TRAPPC9: variants seen among roughly 807,000 people sequenced by gnomAD.
TRAPPC9 encodes trafficking protein particle complex subunit 9.
Under a neutral mutation model 124.0 loss-of-function variants are expected in TRAPPC9, and 83 were observed. The ratio of observed to expected loss-of-function variants is 0.67; its 90% CI spans 0.56 to 0.80. The LOEUF is 0.80. Among genes scored for constraint, TRAPPC9 ranks in the 30% least tolerant of loss-of-function variants. The pLI is 0.00. For missense variants in TRAPPC9, 1,302 were observed against 1,508.3 expected, an observed-to-expected ratio of 0.86 and a Z score of 2.27; for synonymous variants, 638 against 617.5, an observed-to-expected ratio of 1.03 and a Z score of -0.49.
chr8:139,977,617 CA>C (rs368480588), intron 19 of TRAPPC9, among the ~76,000 whole-genome samples: 15,773 of 111,786 alleles, frequency 0.14, 1,416 homozygotes, highest in East Asian at 0.41. Flanking sequence ...GACTCTGTCT[CA>C]AAAAAAAAAA....
intron 21 of TRAPPC9, among the ~76,000 whole-genome samples, chr8:139,875,999 T>C (rs1233581435): frequency 6.6e-6 from 1 of 152,264 alleles, no homozygotes; most frequent in Non-Finnish European, 1.5e-5. Flanking sequence ...GCTGTCCTAC[T>C]GTCCGGCTAG....
chr8:140,085,058 T>C (rs10113386), intron 17 of TRAPPC9, among the ~76,000 whole-genome samples: 60,747 of 152,092 alleles, frequency 0.4, 13,842 homozygotes, highest in East Asian at 0.56. Flanking sequence ...TACAGATTCA[T>C]GGAGAGTGGA....
chr8:140,315,233 CTT>C (rs61220260), intron 9 of TRAPPC9, among the ~76,000 whole-genome samples: 116 of 107,136 alleles, frequency 1.1e-3, no homozygotes, highest in Middle Eastern at 0.011. Flanking sequence ...ATTTGTATGT[CTT>C]TTTTTTTTTT....
At chr8:139,794,911 C>G (rs571656456) in intron 21 of TRAPPC9, among the ~76,000 whole-genome samples, 3 of 152,332 alleles carry the variant, frequency 2.0e-5, no homozygotes, top group African/African-American at 7.2e-5. Context: ...TCCTGAGTCA[C>G]CTGACATCAG....
intron 15 of TRAPPC9, among the ~76,000 whole-genome samples, chr8:140,264,846 C>A (rs1288755904): frequency 6.6e-6 from 1 of 152,202 alleles, no homozygotes; most frequent in Non-Finnish European, 1.5e-5. Context: ...GTGCTAAGCA[C>A]TGTGTTAGGT....
intron 17 of TRAPPC9, among the ~76,000 whole-genome samples, chr8:140,143,715 T>C (rs1301563554): frequency 6.6e-6 from 1 of 152,352 alleles, no homozygotes. Context: ...GGTGCTGATT[T>C]TGTTAGTGGC....
chr8:139,913,168 T>A (rs144480465), intron 19 of TRAPPC9, among the ~76,000 whole-genome samples: 1 of 152,336 alleles, frequency 6.6e-6, no homozygotes, highest in Non-Finnish European at 1.5e-5. Flanking sequence ...GGTTGAGTAA[T>A]CATCACACTC....
intron 21 of TRAPPC9, among the ~76,000 whole-genome samples, chr8:139,808,183 A>G (rs954859733): frequency 1.3e-5 from 2 of 152,214 alleles, no homozygotes; most frequent in Admixed American, 6.5e-5. Flanking sequence ...TTCAGGCTGG[A>G]CACAGTGGCT....
chr8:140,146,597 T>C (rs1223005371), intron 17 of TRAPPC9, among the ~76,000 whole-genome samples: 1 of 152,248 alleles, frequency 6.6e-6, no homozygotes, highest in African/African-American at 2.4e-5. Context: ...AAACCACATC[T>C]ACTTTAAAAG....
chr8:140,254,808 C>G (rs930483614), intron 15 of TRAPPC9, among the ~76,000 whole-genome samples: 2 of 152,234 alleles, frequency 1.3e-5, no homozygotes, highest in Non-Finnish European at 2.9e-5. Flanking sequence ...TGGAATCAGT[C>G]TAGAATCCTA....
chr8:140,081,346 C>CATTTTTTTTTTTTTTTTT lies in TRAPPC9; in HGVS notation c.2557-57268_2557-57267insAAAAAAAAAAAAAAAAAT, dbSNP rs35254769. Among the ~76,000 whole-genome samples, 3 of 141,050 alleles carry CATTTTTTTTTTTTTTTTT rather than the reference C, an allele frequency of 2.1e-5. 1 individual carries two copies. Among genetic ancestry groups the CATTTTTTTTTTTTTTTTT allele is most frequent in the Non-Finnish European group, 3.0e-5 (2 of 66,052 alleles). The allele number at this position is 141,050 out of a possible 152,430, so 92.5% of individuals were successfully genotyped here. A position where few individuals can be genotyped will look rare whatever the true frequency, so the allele number is the denominator to read the frequency against. On this transcript the variant is annotated intron_variant, in intron 17 of 22. Transcript: ENST00000438773. The stretch of plus-strand genomic sequence containing the variant: ...GTCAAGGTGAAGAATAAAATGAATG[C>CATTTTTTTTTTTTTTTTT]TTTTTTTTTTTTTTTTTGAGACAGA...
intron 17 of TRAPPC9, among the ~76,000 whole-genome samples, chr8:140,051,580 T>C (rs1842008425): frequency 6.7e-6 from 1 of 148,732 alleles, no homozygotes; most frequent in Non-Finnish European, 1.5e-5. Flanking sequence ...TTCATTCTTT[T>C]TTTTTTTTTT....
At chr8:139,766,337 C>T (rs1280185580) in intron 21 of TRAPPC9, among the ~76,000 whole-genome samples, 3 of 152,200 alleles carry the variant, frequency 2.0e-5, no homozygotes, top group Non-Finnish European at 4.4e-5. Flanking sequence ...GTTGGCTCCA[C>T]ACCCCTGTGG....
At chr8:139,931,299 C>T (rs1485127848) in intron 19 of TRAPPC9, 1 of 152,212 alleles carries the variant, frequency 6.6e-6, no homozygotes, top group East Asian at 1.9e-4. Context: ...ATCCTGACAT[C>T]CCCATCTCAC....
chr8:139,950,169 T>C (rs889534467), intron 19 of TRAPPC9, among the ~76,000 whole-genome samples: 21 of 152,204 alleles, frequency 1.4e-4, no homozygotes, highest in African/African-American at 4.8e-4. Context: ...GAGCCCAGGA[T>C]AGATTGCTGG....
At chr8:140,364,513 A>C (rs985079885) in intron 8 of TRAPPC9, among the ~76,000 whole-genome samples, 1 of 152,094 alleles carries the variant, frequency 6.6e-6, no homozygotes, top group Non-Finnish European at 1.5e-5. Context: ...TCCAGCCTAA[A>C]TGAGCTTAGA....
chr8:139,932,334 T>C (rs1423197017), intron 19 of TRAPPC9: 1 of 457,858 alleles, frequency 2.2e-6, no homozygotes. Flanking sequence ...CCACAGGTCC[T>C]TGGCCACGGG....
intron 21 of TRAPPC9, among the ~76,000 whole-genome samples, chr8:139,880,816 TATC>T (rs1229440778): frequency 2.0e-5 from 3 of 152,004 alleles, no homozygotes; most frequent in Admixed American, 6.5e-5. Flanking sequence ...AACAGGAAAA[TATC>T]ATGCCCCATT....
chr8:139,752,948 C>A (rs1174363334), intron 21 of TRAPPC9, among the ~76,000 whole-genome samples: 1 of 150,412 alleles, frequency 6.6e-6, no homozygotes, highest in African/African-American at 2.4e-5. Flanking sequence ...CACCCATCTA[C>A]CATCCATCCA....
Sources: gnomAD v4.1 joint callset for allele counts (sites outside exome capture counted in the v4.1 genomes callset) on GRCh38, gnomAD v4.1.1 for gene constraint, MANE v1.5 for transcripts, NCBI Gene and HGNC (gene_info 2026-07-23, HGNC 2026-07-21) for gene names.